The following AKAP19 variants were observed in gnomAD, a reference collection of about 807,000 sequenced individuals.
AKAP19 encodes A-kinase anchoring protein 19, also known as small A-kinase anchoring protein.
the AKAP19 span, among the ~76,000 whole-genome samples, chr2:190,178,308 T>C: frequency 6.6e-6 from 1 of 152,342 alleles, no homozygotes; most frequent in African/African-American, 2.4e-5. This position sits in a 1 kb window ranked among gnomAD's most constrained non-coding sequence, Gnocchi z 6.3. Context: ...ACCAGAAGCA[T>C]GGCCTGCAGT....
At chr2:190,072,075 G>A in the AKAP19 span, among the ~76,000 whole-genome samples, 1 of 152,178 alleles carries the variant, frequency 6.6e-6, no homozygotes, top group Admixed American at 6.6e-5. Context: ...TAGCAATGCA[G>A]CCATAAAAAA....
chr2:189,952,430 AT>A, the AKAP19 span, among the ~76,000 whole-genome samples: 962 of 145,704 alleles, frequency 6.6e-3, 7 homozygotes, highest in African/African-American at 0.024. Flanking sequence ...AAATCATATC[AT>A]TTTTTTTTTC....
the AKAP19 span, among the ~76,000 whole-genome samples, chr2:190,032,077 A>T: frequency 3.9e-5 from 6 of 152,154 alleles, no homozygotes; most frequent in Non-Finnish European, 8.8e-5. Context: ...ATTCTGAATG[A>T]TTCAAATATT....
the AKAP19 span, among the ~76,000 whole-genome samples, chr2:190,133,021 G>A: frequency 6.6e-6 from 1 of 151,996 alleles, no homozygotes; most frequent in African/African-American, 2.4e-5. Flanking sequence ...CGGATCATGA[G>A]GTCAGGAGAT....
chr2:189,988,785 C>T, the AKAP19 span, among the ~76,000 whole-genome samples: 1 of 152,236 alleles, frequency 6.6e-6, no homozygotes, highest in Non-Finnish European at 1.5e-5. Context: ...CAAGAGACTA[C>T]ATTTCCCAGT....
the AKAP19 span, among the ~76,000 whole-genome samples, chr2:190,116,372 A>T: frequency 6.6e-6 from 1 of 151,938 alleles, no homozygotes; most frequent in Non-Finnish European, 1.5e-5. Context: ...AAGAGATTGA[A>T]CTCACAGCCT....
At chr2:189,962,722 A>G in the AKAP19 span, among the ~76,000 whole-genome samples, 5 of 152,186 alleles carry the variant, frequency 3.3e-5, no homozygotes, top group Admixed American at 6.5e-5. Context: ...AACTTTTACC[A>G]TGAGGATGTA....
the AKAP19 span, among the ~76,000 whole-genome samples, chr2:189,959,395 A>G: frequency 6.6e-6 from 1 of 152,158 alleles, no homozygotes; most frequent in Non-Finnish European, 1.5e-5. Context: ...AAATAATTAG[A>G]CTTTATTTAA....
the AKAP19 span, among the ~76,000 whole-genome samples, chr2:189,906,319 A>G: frequency 4.5e-3 from 681 of 152,230 alleles, 4 homozygotes; most frequent in African/African-American, 0.016. Flanking sequence ...ACTGTAGAAC[A>G]TTTGAAGAAT....
At chr2:189,999,060 C>A in the AKAP19 span, among the ~76,000 whole-genome samples, 1 of 152,012 alleles carries the variant, frequency 6.6e-6, no homozygotes, top group East Asian at 1.9e-4. Flanking sequence ...ACGTAAGCCA[C>A]CACACCCAGC....
At chr2:190,082,051 A>G in the AKAP19 span, among the ~76,000 whole-genome samples, 1 of 152,150 alleles carries the variant, frequency 6.6e-6, no homozygotes, top group Non-Finnish European at 1.5e-5. Flanking sequence ...ACCACTGAGT[A>G]TGGAGTGGTT....
At chr2:189,939,730 A>T in the AKAP19 span, among the ~76,000 whole-genome samples, 95 of 152,372 alleles carry the variant, frequency 6.2e-4, no homozygotes, top group Non-Finnish European at 8.2e-4. Context: ...AAATAATTTT[A>T]AAAAATCAAA....
the AKAP19 span, among the ~76,000 whole-genome samples, chr2:190,155,238 A>T: frequency 6.6e-6 from 1 of 152,200 alleles, no homozygotes; most frequent in African/African-American, 2.4e-5. Flanking sequence ...CTCTAAGCTG[A>T]TAGAACCACA....
chr2:190,130,966 T>TGTAAGG, the AKAP19 span, among the ~76,000 whole-genome samples: 1 of 152,208 alleles, frequency 6.6e-6, no homozygotes, highest in African/African-American at 2.4e-5. Context: ...ATCATTTTGC[T>TGTAAGG]GTAAGGGGTC....
the AKAP19 span, among the ~76,000 whole-genome samples, chr2:189,916,494 G>T: frequency 1.4e-4 from 21 of 151,812 alleles, no homozygotes; most frequent in African/African-American, 2.4e-4. Flanking sequence ...GCTAATTTTT[G>T]TATTTTTAGT....
At chr2:190,060,523 TTAAGA>T in the AKAP19 span, 2 of 1,207,038 alleles carry the variant, frequency 1.7e-6, no homozygotes, top group Non-Finnish European at 2.3e-6. Context: ...TTTTTTTAAA[TTAAGA>T]TAATGTATGC....
the AKAP19 span, among the ~76,000 whole-genome samples, chr2:189,996,240 G>A: frequency 1.3e-5 from 2 of 152,170 alleles, no homozygotes; most frequent in Non-Finnish European, 2.9e-5. Context: ...ATTATTCTTA[G>A]ATGTGGCTGT....
chr2:189,936,641 A>AT, the AKAP19 span, among the ~76,000 whole-genome samples: 1 of 152,124 alleles, frequency 6.6e-6, no homozygotes, highest in African/African-American at 2.4e-5. Context: ...ATGTCCACAA[A>AT]TTTTTTTATT....
At chr2:190,061,095 C>A in the AKAP19 span, among the ~76,000 whole-genome samples, 1 of 151,992 alleles carries the variant, frequency 6.6e-6, no homozygotes, top group African/African-American at 2.4e-5. Flanking sequence ...CTAACAATTT[C>A]TTTTATTTTG....
Sources: allele counts gnomAD v4.1 joint callset (sites outside exome capture counted in the v4.1 genomes callset), GRCh38; gene constraint gnomAD v4.1.1; non-coding constraint Gnocchi (gnomAD v3.1); transcripts MANE v1.5; gene names NCBI Gene and HGNC (gene_info 2026-07-23, HGNC 2026-07-21).